Variants in ARHGAP22 observed in about 807,000 individuals in gnomAD.
The protein encoded by ARHGAP22 is Rho GTPase activating protein 22.
A neutral mutation model predicts 59.1 loss-of-function variants in ARHGAP22; 48 were observed. That is an observed-to-expected ratio of 0.81 (90% CI 0.64 to 1.03). ARHGAP22 has a LOEUF of 1.03. Ranked by LOEUF, ARHGAP22 falls within the 50% of genes least tolerant of loss-of-function variation. The pLI is 0.00. For synonymous variants in ARHGAP22, 445 were observed against 416.4 expected, an observed-to-expected ratio of 1.07 and a Z score of -0.84; for missense variants, 1,015 against 958.7, an observed-to-expected ratio of 1.06 and a Z score of -0.78.
intron 1 of ARHGAP22, chr10:48,624,443 AAGAAGAG>A (rs1424763571): frequency 2.0e-5 from 3 of 152,250 alleles, no homozygotes; most frequent in Non-Finnish European, 4.4e-5. Context: ...CTGTCTCCAA[AAGAAGAG>A]AGAAAGAGAG....
intron 1 of ARHGAP22, among the ~76,000 whole-genome samples, chr10:48,586,599 C>G (rs2059438975): frequency 6.6e-6 from 1 of 152,192 alleles, no homozygotes; most frequent in Admixed American, 6.5e-5. Context: ...TGGCATTTGG[C>G]TGTATTACAC....
upstream of ARHGAP22, among the ~76,000 whole-genome samples, chr10:48,609,099 T>C (rs1451812587): frequency 6.6e-6 from 1 of 152,200 alleles, no homozygotes; most frequent in African/African-American, 2.4e-5. Flanking sequence ...CTTAGATGTC[T>C]TGTTTTGTTT....
rs1483720822 is a variant in ARHGAP22 at position 48,479,799 on chromosome 10, C to T, written c.323-35G>A. The T allele has an allele frequency of 5.9e-6, 9 of 1,527,074 alleles. No individual in the cohort carries two copies. In the East Asian group the frequency reaches 2.1e-4, roughly 36 times the overall value. The allele number at this position is 1,527,074 out of a possible 1,614,324, so 94.6% of individuals were successfully genotyped here. ...AGGGAGACACAGGCTTACGCAGGGT[C>T]CCTGCCCGCAGCACACTCTCCACCG... On this transcript the variant is annotated intron_variant, in intron 3 of 9. Coordinates refer to ENST00000249601, the MANE Select transcript of ARHGAP22 (RefSeq NM_021226.4).
At chr10:48,528,108 G>A (rs113489151) in intron 3 of ARHGAP22, among the ~76,000 whole-genome samples, 7 of 152,332 alleles carry the variant, frequency 4.6e-5, no homozygotes, top group African/African-American at 1.7e-4. Context: ...TCTAGGGGGT[G>A]CTGCTGCTGC....
chr10:48,626,706 C>T (rs532521477), intron 1 of ARHGAP22, among the ~76,000 whole-genome samples: 10 of 152,282 alleles, frequency 6.6e-5, no homozygotes, highest in South Asian at 4.1e-4. Flanking sequence ...GGGTGTGGTA[C>T]GATGGGAACT....
chr10:48,446,559 G>C lies in ARHGAP22; in HGVS notation c.1929C>G (p.Asp643Glu), dbSNP rs1186429165. 1 of 1,614,022 alleles carries C rather than the reference G, an allele frequency of 6.2e-7. No homozygotes were observed. The highest frequency in any genetic ancestry group is 1.1e-5 in the South Asian group (1 of 91,078). ...GCATGATGTATTTTTTCTTTTCCTG[G>C]TCCAGTTCTTCTTCTAACCGGGACA... Reference protein sequence around the residue: ...KRMSRLEEELDQEKKKYIMLE... With the variant: ...KRMSRLEEELEQEKKKYIMLE... The change falls in exon 10 of 10, where the codon GAC becomes GAG. Residue 643 changes from aspartate (D) to glutamate (E), a missense_variant. By Grantham distance (45) the Asp-to-Glu change is conservative. Coordinates refer to ENST00000249601, the MANE Select transcript of ARHGAP22 (RefSeq NM_021226.4).
At chr10:48,441,315 A>G (rs1233853201), downstream of ARHGAP22, among the ~76,000 whole-genome samples, 4 of 152,166 alleles carry the variant, frequency 2.6e-5, no homozygotes, top group African/African-American at 9.7e-5. Context: ...GGCCTAGTTC[A>G]AGTGAGTGGA....
chr10:48,542,901 T>A (rs73298266), intron 3 of ARHGAP22, among the ~76,000 whole-genome samples: 1 of 152,088 alleles, frequency 6.6e-6, no homozygotes, highest in East Asian at 1.9e-4. Context: ...TGTCTGTATG[T>A]AGAAAGGAAG....
upstream of ARHGAP22, chr10:48,605,080 G>A (rs912849816): frequency 1.1e-5 from 15 of 1,346,724 alleles, no homozygotes; most frequent in Non-Finnish European, 1.4e-5. Context: ...CACTGGACCA[G>A]GGCGGGGCAG....
chr10:48,606,935 G>C (rs2060702439), upstream of ARHGAP22, among the ~76,000 whole-genome samples: 1 of 152,200 alleles, frequency 6.6e-6, no homozygotes, highest in Non-Finnish European at 1.5e-5. Flanking sequence ...GCAGATCCAA[G>C]AAACACCACT....
intron 1 of ARHGAP22, among the ~76,000 whole-genome samples, chr10:48,636,245 A>G (rs1427866363): frequency 6.6e-6 from 1 of 152,186 alleles, no homozygotes; most frequent in Non-Finnish European, 1.5e-5. Flanking sequence ...CGATAAAGGC[A>G]TGTTAGCTGT....
chr10:48,449,742 T>C (rs1278063724), intron 9 of ARHGAP22, among the ~76,000 whole-genome samples: 4 of 152,164 alleles, frequency 2.6e-5, no homozygotes, highest in Non-Finnish European at 5.9e-5. Context: ...AGCCTCAGGG[T>C]GCAGCACAAC....
intron 3 of ARHGAP22, among the ~76,000 whole-genome samples, chr10:48,525,251 A>G (rs757446216): frequency 6.6e-6 from 1 of 152,210 alleles, no homozygotes; most frequent in Non-Finnish European, 1.5e-5. Context: ...GATTGCAAAA[A>G]GTTGGAACCA....
At chr10:48,634,688 G>T (rs541754119) in intron 1 of ARHGAP22, among the ~76,000 whole-genome samples, 1 of 152,162 alleles carries the variant, frequency 6.6e-6, no homozygotes, top group African/African-American at 2.4e-5. Flanking sequence ...ACAGCTCTGA[G>T]CCCAGGAAAG....
intron 1 of ARHGAP22, among the ~76,000 whole-genome samples, chr10:48,627,010 G>A (rs1289671958): frequency 6.6e-6 from 1 of 152,106 alleles, no homozygotes; most frequent in African/African-American, 2.4e-5. Flanking sequence ...TCATGCCCAC[G>A]TAACGAAGCC....
At chr10:48,470,725 G>A (rs146574842) in intron 4 of ARHGAP22, among the ~76,000 whole-genome samples, 29 of 152,358 alleles carry the variant, frequency 1.9e-4, no homozygotes, top group African/African-American at 7.0e-4. Context: ...AGGTCTGCAA[G>A]AGTCCTTTCT....
At chr10:48,581,396 C>A (rs746224015) in intron 2 of ARHGAP22, among the ~76,000 whole-genome samples, 3 of 152,204 alleles carry the variant, frequency 2.0e-5, no homozygotes, top group African/African-American at 7.2e-5. Context: ...CTCCATATTC[C>A]GTTTCAGAAA....
intron 4 of ARHGAP22, among the ~76,000 whole-genome samples, chr10:48,464,150 C>T (rs1449220630): frequency 6.6e-6 from 1 of 152,184 alleles, no homozygotes; most frequent in African/African-American, 2.4e-5. Context: ...AGGCTGTAAA[C>T]ATATAAATCT....
At chr10:48,593,242 C>A (rs749330654) in intron 1 of ARHGAP22, among the ~76,000 whole-genome samples, 1 of 152,216 alleles carries the variant, frequency 6.6e-6, no homozygotes, top group Non-Finnish European at 1.5e-5. Context: ...TCCATTTCTC[C>A]TTCCTGCTTT....
Sources: allele counts gnomAD v4.1 joint callset (sites outside exome capture counted in the v4.1 genomes callset), GRCh38; gene constraint gnomAD v4.1.1; transcripts MANE v1.5; gene names NCBI Gene and HGNC (gene_info 2026-07-23, HGNC 2026-07-21).